ZFAND3: variants seen among roughly 807,000 people sequenced by gnomAD.
ZFAND3 encodes the protein AN1-type zinc finger protein 3.
A neutral mutation model predicts 29.6 loss-of-function variants in ZFAND3; 10 were observed. The ratio of observed to expected loss-of-function variants is 0.34; its 90% CI spans 0.21 to 0.57. ZFAND3 has a LOEUF of 0.57. ZFAND3 is among the 20% of genes least tolerant of loss of function. ZFAND3 has a pLI of 0.86. For missense variants in ZFAND3, 230 were observed against 304.5 expected (o/e 0.76, Z 1.82); for synonymous variants, 128 against 112.6 (o/e 1.14, Z -0.87).
At chr6:37,958,978 A>G (rs1363967327) in intron 2 of ZFAND3, among the ~76,000 whole-genome samples, 2 of 152,160 alleles carry the variant, frequency 1.3e-5, no homozygotes, top group Middle Eastern at 3.2e-3. Context: ...CCTGCCATAG[A>G]TTTTATCACC....
intron 4 of ZFAND3, among the ~76,000 whole-genome samples, chr6:38,110,809 A>G (rs1183307154): frequency 6.6e-6 from 1 of 152,144 alleles, no homozygotes; most frequent in Non-Finnish European, 1.5e-5. Context: ...CCTATTCTGT[A>G]TTGTGAGTGT....
rs534386773 is a variant in ZFAND3, at chr6:38,131,566, A to G, written c.529+14827A>G. Among the ~76,000 whole-genome samples, 61 of 152,344 alleles carry G rather than the reference A, an allele frequency of 4.0e-4. 1 individual carries two copies. The highest frequency in any genetic ancestry group is 1.2e-3 in the African/African-American group (48 of 41,588). The stretch of plus-strand genomic sequence containing the variant: ...TTGCAAATGAGTAGTACCCACATCA[A>G]TGAGGTTTCATATTGGTTCCAGTCA... On this transcript the variant is annotated intron_variant, in intron 5 of 5. Coordinates refer to ENST00000287218, the MANE Select transcript of ZFAND3 (RefSeq NM_021943.3).
chr6:37,977,577 G>A (rs1389651445), intron 2 of ZFAND3, among the ~76,000 whole-genome samples: 2 of 151,840 alleles, frequency 1.3e-5, no homozygotes, highest in Admixed American at 6.6e-5. Flanking sequence ...TGCTGGGATT[G>A]CTTACGGACA....
intron 2 of ZFAND3, among the ~76,000 whole-genome samples, chr6:38,016,618 G>C (rs1255656015): frequency 6.6e-6 from 1 of 152,152 alleles, no homozygotes; most frequent in East Asian, 1.9e-4. Flanking sequence ...TTACAATTTT[G>C]CAGCAACCTC....
intron 5 of ZFAND3, among the ~76,000 whole-genome samples, chr6:38,137,130 A>G (rs1406760808): frequency 1.3e-5 from 2 of 152,252 alleles, no homozygotes; most frequent in Admixed American, 6.5e-5. Context: ...CTTCAGTTCC[A>G]GGAGAGTATC....
chr6:38,025,957 G>T (rs1291000549), intron 2 of ZFAND3, among the ~76,000 whole-genome samples: 1 of 152,180 alleles, frequency 6.6e-6, no homozygotes, highest in Non-Finnish European at 1.5e-5. Context: ...TCTAAAATTG[G>T]TTGTGATGCT....
intron 2 of ZFAND3, among the ~76,000 whole-genome samples, chr6:38,011,133 A>G (rs1581837160): frequency 6.6e-6 from 1 of 151,952 alleles, no homozygotes; most frequent in Non-Finnish European, 1.5e-5. Context: ...GGACTCATTC[A>G]TGTTGTTTTC....
intron 5 of ZFAND3, among the ~76,000 whole-genome samples, chr6:38,126,925 T>G (rs555648559): frequency 2.5e-5 from 3 of 119,592 alleles, no homozygotes; most frequent in African/African-American, 1.1e-4. Flanking sequence ...TTTAGATTGT[T>G]TTTTTTTTTG....
intron 1 of ZFAND3, 105 bp from the exon 2 acceptor site, chr6:37,929,854 C>A (rs886205445): frequency 9.0e-7 from 1 of 1,107,540 alleles, no homozygotes; most frequent in African/African-American, 1.6e-5. Flanking sequence ...GTTCAGTTGC[C>A]TGACCAGAAA....
At chr6:37,937,592 T>G (rs530762337) in intron 2 of ZFAND3, among the ~76,000 whole-genome samples, 1 of 143,072 alleles carries the variant, frequency 7.0e-6, no homozygotes, top group Non-Finnish European at 1.5e-5. Flanking sequence ...GAGTCGGAGG[T>G]TGCAGTGAGC....
intron 1 of ZFAND3, among the ~76,000 whole-genome samples, chr6:37,912,030 C>G (rs1236263152): frequency 2.9e-5 from 4 of 139,802 alleles, no homozygotes; most frequent in African/African-American, 5.5e-5. Context: ...AGTCTTTTAT[C>G]TGTGTGTGTG....
At chr6:38,017,053 A>G (rs554508783) in intron 2 of ZFAND3, among the ~76,000 whole-genome samples, 59 of 152,354 alleles carry the variant, frequency 3.9e-4, no homozygotes, top group African/African-American at 1.3e-3. Flanking sequence ...GTGGAAGTAT[A>G]CATTGCTATC....
chr6:37,982,083 A>G lies in ZFAND3; in HGVS notation c.112+52084A>G, dbSNP rs187044799. On this transcript the variant is annotated intron_variant, in intron 2 of 5. Transcript: ENST00000287218. The stretch of plus-strand genomic sequence containing the variant: ...GTCTGGCTTAGTGAAACAATAGGGC[A>G]AAGGAAGCAATCAGATGTGCGTTTG... 1.5e-3 allele frequency among the ~76,000 whole-genome samples: 232 copies of G among 152,288 alleles called. 1 individual carries two copies. In the Middle Eastern group the frequency reaches 0.017, roughly 11 times the overall value.
At chr6:38,078,152 T>C (rs1229264979) in intron 3 of ZFAND3, among the ~76,000 whole-genome samples, 1 of 152,210 alleles carries the variant, frequency 6.6e-6, no homozygotes, top group Non-Finnish European at 1.5e-5. Context: ...CTGTAACAAT[T>C]TCTACTTGTT....
rs544228443 is a variant in ZFAND3 at position 37,931,540 on chromosome 6, C to A, written c.112+1541C>A. Among the ~76,000 whole-genome samples, 4 of 133,342 alleles carry A rather than the reference C, an allele frequency of 3.0e-5. No individual in the cohort carries two copies. In the East Asian group the frequency reaches 7.1e-4, roughly 24 times the overall value. The allele number at this position is 133,342 out of a possible 152,430, so 87.5% of individuals were successfully genotyped here. ...TCCTGGTAACAGAGTGAGACTCCGT[C>A]TCAAAAAAAAAAAAACAAAAAAAAA... On this transcript the variant is annotated intron_variant, in intron 2 of 5. Coordinates refer to ENST00000287218, the MANE Select transcript of ZFAND3 (RefSeq NM_021943.3).
intron 2 of ZFAND3, among the ~76,000 whole-genome samples, chr6:38,049,968 T>TGG (rs767412841): frequency 2.5e-5 from 1 of 40,578 alleles, no homozygotes; most frequent in African/African-American, 1.1e-4. Flanking sequence ...TTTTTTTTTT[T>TGG]GGGGGAGACA....
At chr6:37,961,614 T>A (rs556552132) in intron 2 of ZFAND3, among the ~76,000 whole-genome samples, 9 of 152,300 alleles carry the variant, frequency 5.9e-5, no homozygotes, top group African/African-American at 2.2e-4. Context: ...GCCATAGGAG[T>A]ACTTGTGTCA....
At chr6:38,043,557 T>C (rs375590700) in intron 2 of ZFAND3, among the ~76,000 whole-genome samples, 188 of 131,858 alleles carry the variant, frequency 1.4e-3, no homozygotes, top group African/African-American at 5.0e-3. Context: ...CCCCTCTTCC[T>C]CCTTCCCCTC....
At chr6:37,832,259 G>C (rs140590409) in intron 1 of ZFAND3, among the ~76,000 whole-genome samples, 1 of 152,202 alleles carries the variant, frequency 6.6e-6, no homozygotes, top group Non-Finnish European at 1.5e-5. Context: ...AGCAGCGACA[G>C]ATTGGATGGT....
Sources: gnomAD v4.1 joint callset for allele counts (sites outside exome capture counted in the v4.1 genomes callset) on GRCh38, gnomAD v4.1.1 for gene constraint, MANE v1.5 for transcripts, NCBI Gene and HGNC (gene_info 2026-07-23, HGNC 2026-07-21) for gene names.